Variants in ZNF536 observed in about 807,000 individuals in gnomAD.
ZNF536 encodes zinc finger protein 536.
In ZNF536, 13 loss-of-function variants were observed where a neutral mutation model predicts 84.5. The ratio of observed to expected loss-of-function variants is 0.15; its 90% CI spans 0.10 to 0.24. The LOEUF is 0.24. Among genes scored for constraint, ZNF536 ranks in the 10% least tolerant of loss-of-function variants. The pLI, the probability that ZNF536 is intolerant of heterozygous loss-of-function variation, is 1.00. For missense variants in ZNF536, 1,536 were observed against 1,747.5 expected (o/e 0.88, Z 2.16); for synonymous variants, 811 against 742.5 (o/e 1.09, Z -1.50).
chr19:30,661,619 T>C (rs1390019889), intron 1 of ZNF536, among the ~76,000 whole-genome samples: 1 of 152,222 alleles, frequency 6.6e-6, no homozygotes, highest in Non-Finnish European at 1.5e-5. Context: ...GGGGAAAGAC[T>C]TTCGCATAAG....
rs1016349602 is a variant in ZNF536, at chr19:30,576,290, C to T, written c.169+26776C>T. 8.5e-5 allele frequency among the ~76,000 whole-genome samples: 13 copies of T among 152,100 alleles called. No individual in the cohort carries two copies. In the South Asian group the frequency reaches 2.3e-3, roughly 27 times the overall value. ...GAGCCCAGGATGGAGGTCCTTGTTC[C>T]GGTGTCAGTGACGATGCAGATAGGA... On this transcript the variant is annotated intron_variant, in intron 1 of 1. Transcript: ENST00000592773.
chr19:30,461,079 C>A (rs10414280), intron 2 of ZNF536, among the ~76,000 whole-genome samples: 9,169 of 152,210 alleles, frequency 0.06, 966 homozygotes, highest in African/African-American at 0.21. Context: ...AGGCCTCTGG[C>A]ATGGGCTCCC....
chr19:30,601,613 C>T (rs1452288842), intron 1 of ZNF536, among the ~76,000 whole-genome samples: 4 of 152,198 alleles, frequency 2.6e-5, no homozygotes, highest in Non-Finnish European at 2.9e-5. Context: ...CTGACTCCCA[C>T]AGGTGCTTAG....
chr19:30,684,261 A>C (rs1890766330), intron 1 of ZNF536, among the ~76,000 whole-genome samples: 1 of 152,044 alleles, frequency 6.6e-6, no homozygotes, highest in African/African-American at 2.4e-5. Context: ...CAGCCTCCTG[A>C]GTAACTGGGA....
At chr19:30,665,067 G>T (rs1056039666) in intron 1 of ZNF536, among the ~76,000 whole-genome samples, 2 of 152,256 alleles carry the variant, frequency 1.3e-5, no homozygotes, top group African/African-American at 4.8e-5. Flanking sequence ...GCAGTGGCCA[G>T]GCGCCGTGGC....
chr19:30,640,430 A>T (rs983457481), intron 1 of ZNF536, among the ~76,000 whole-genome samples: 8 of 152,334 alleles, frequency 5.3e-5, no homozygotes, highest in African/African-American at 1.4e-4. Flanking sequence ...CCTGTTTGGC[A>T]ATCAGCACTG....
intron 1 of ZNF536, among the ~76,000 whole-genome samples, chr19:30,565,762 G>T (rs559516113): frequency 1.3e-5 from 2 of 151,868 alleles, no homozygotes; most frequent in African/African-American, 4.8e-5. Flanking sequence ...CTCTTCCAGC[G>T]CCTCAGGTTA....
At chr19:30,306,871 G>C (rs1424970553) in intron 2 of ZNF536, among the ~76,000 whole-genome samples, 3 of 152,108 alleles carry the variant, frequency 2.0e-5, no homozygotes, top group Non-Finnish European at 4.4e-5. Context: ...TTAAGTGTAA[G>C]AGCCACAAAA....
intron 1 of ZNF536, among the ~76,000 whole-genome samples, chr19:30,597,849 T>C (rs1423152877): frequency 6.6e-6 from 1 of 152,112 alleles, no homozygotes; most frequent in Non-Finnish European, 1.5e-5. Flanking sequence ...GTTATTATTG[T>C]CGTATGCATG....
chr19:30,537,921 A>G lies in ZNF536; in HGVS notation c.2323+2922A>G, dbSNP rs1309531625. Among the ~76,000 whole-genome samples the G allele has an allele frequency of 2.0e-5, 3 of 152,358 alleles. 1 individual carries two copies. In the South Asian group the frequency reaches 6.2e-4, roughly 32 times the overall value. The stretch of plus-strand genomic sequence containing the variant: ...GTAAAAGGCAGAATGGTAACCAGAT[A>G]AAGATCAATTACCTTTTTATCTAAG... On this transcript the variant is annotated intron_variant, in intron 3 of 4. Coordinates refer to ENST00000355537, the MANE Select transcript of ZNF536 (RefSeq NM_014717.3).
At chr19:30,398,504 G>C (rs892937496) in intron 1 of ZNF536, among the ~76,000 whole-genome samples, 1 of 151,732 alleles carries the variant, frequency 6.6e-6, no homozygotes, top group Non-Finnish European at 1.5e-5. Flanking sequence ...CTCGTCACCT[G>C]CATGAGATAT....
intron 1 of ZNF536, among the ~76,000 whole-genome samples, chr19:30,243,139 GA>G (rs1395359154): frequency 9.9e-5 from 15 of 151,682 alleles, no homozygotes; most frequent in South Asian, 2.1e-4. Flanking sequence ...TGAGTTAAAG[GA>G]AAAAAATATT....
chr19:30,422,784 A>G (rs895921909), intron 1 of ZNF536, among the ~76,000 whole-genome samples: 1 of 151,752 alleles, frequency 6.6e-6, no homozygotes, highest in African/African-American at 2.4e-5. Context: ...CCATCGATCC[A>G]TGTATCCATC....
intron 1 of ZNF536, among the ~76,000 whole-genome samples, chr19:30,412,226 C>T (rs1045173150): frequency 1.3e-5 from 2 of 151,140 alleles, no homozygotes; most frequent in African/African-American, 4.8e-5. Flanking sequence ...CTCATAACTT[C>T]TTTTTTTTTC....
At chr19:30,654,882 C>T (rs1027233831) in intron 1 of ZNF536, among the ~76,000 whole-genome samples, 1 of 151,210 alleles carries the variant, frequency 6.6e-6, no homozygotes, top group Non-Finnish European at 1.5e-5. Context: ...ACAGCGTTGA[C>T]TTTCTTTATC....
At chr19:30,399,193 T>G (rs2049945558) in intron 1 of ZNF536, among the ~76,000 whole-genome samples, 1 of 152,218 alleles carries the variant, frequency 6.6e-6, no homozygotes, top group Non-Finnish European at 1.5e-5. Context: ...TTTCATATGT[T>G]TGTCAGCTGC....
At chr19:30,319,384 G>A (rs1272160875) in intron 2 of ZNF536, among the ~76,000 whole-genome samples, 1 of 151,528 alleles carries the variant, frequency 6.6e-6, no homozygotes, top group Non-Finnish European at 1.5e-5. Flanking sequence ...TTGCGAAATA[G>A]TTCTAGTGAG....
chr19:30,560,157 G>A (rs541115128), downstream of ZNF536, among the ~76,000 whole-genome samples: 44 of 152,112 alleles, frequency 2.9e-4, no homozygotes, highest in African/African-American at 1.0e-3. Flanking sequence ...ATTCAGTTCT[G>A]TGGAATGAGC....
At chr19:30,354,520 A>G (rs2048032796) in intron 3 of ZNF536, among the ~76,000 whole-genome samples, 2 of 152,106 alleles carry the variant, frequency 1.3e-5, no homozygotes, top group Admixed American at 1.3e-4. Context: ...GGCGTGATCT[A>G]CTACACCTGA....
Sources: allele counts gnomAD v4.1 joint callset (sites outside exome capture counted in the v4.1 genomes callset), GRCh38; gene constraint gnomAD v4.1.1; transcripts MANE v1.5; gene names NCBI Gene and HGNC (gene_info 2026-07-23, HGNC 2026-07-21).